The following WDR7 variants were observed in gnomAD, a reference collection of about 807,000 sequenced individuals.
WDR7 encodes the protein WD repeat domain 7.
In WDR7, 46 loss-of-function variants were observed where a neutral mutation model predicts 169.4. The ratio of observed to expected loss-of-function variants is 0.27; its 90% CI spans 0.21 to 0.35. The LOEUF is 0.35. Among genes scored for constraint, WDR7 ranks in the 10% least tolerant of loss-of-function variants. The pLI, the probability that WDR7 is intolerant of heterozygous loss-of-function variation, is 1.00. For synonymous variants in WDR7, 612 were observed against 666.8 expected (o/e 0.92, Z 1.27); for missense variants, 1,534 against 1,859.3 (o/e 0.83, Z 3.22).
intron 19 of WDR7, among the ~76,000 whole-genome samples, chr18:56,811,934 G>A (rs1348279452): frequency 6.6e-6 from 1 of 152,034 alleles, no homozygotes; most frequent in African/African-American, 2.4e-5. Flanking sequence ...TTTCAGAATT[G>A]TTTTGTCCTA....
At chr18:56,686,614 A>G (rs973391681) in intron 6 of WDR7, among the ~76,000 whole-genome samples, 1 of 152,142 alleles carries the variant, frequency 6.6e-6, no homozygotes, top group African/African-American at 2.4e-5. Flanking sequence ...TACCAGAGTG[A>G]TGATACTCTG....
intron 12 of WDR7, among the ~76,000 whole-genome samples, chr18:56,709,580 A>AG: frequency 6.6e-6 from 1 of 152,218 alleles, no homozygotes; most frequent in East Asian, 1.9e-4. Context: ...AGAGACTCAG[A>AG]GAGGTTAAAT....
At chr18:56,721,790 C>A (rs1354010920) in intron 13 of WDR7, 1 of 152,216 alleles carries the variant, frequency 6.6e-6, no homozygotes, top group East Asian at 1.9e-4. Flanking sequence ...CTAGCCATTA[C>A]CAAGCCTAAA....
intron 20 of WDR7, among the ~76,000 whole-genome samples, chr18:56,832,350 T>C (rs1005761492): frequency 2.6e-5 from 4 of 152,204 alleles, no homozygotes; most frequent in Non-Finnish European, 5.9e-5. Context: ...TCAGAGACTT[T>C]AGATAAAACT....
rs1412251334 is a variant in WDR7, at chr18:56,682,763, A to C, written c.430A>C (p.Thr144Pro). 1.2e-6 allele frequency: 2 copies of C among 1,613,880 alleles called. No individual in the cohort carries two copies. Among genetic ancestry groups the C allele is most frequent in the Admixed American group, 1.7e-5 (1 of 60,002 alleles). The stretch of plus-strand genomic sequence containing the variant: ...CCCTGAAATCCTTGTTGTGGATGCT[A>C]CCAGCCTTGAAGTATTATACTCCTT... Reference protein sequence around the residue: ...HYPEILVVDATSLEVLYSLVS... With the variant: ...HYPEILVVDAPSLEVLYSLVS... Residue 144 changes from threonine (T) to proline (P), a missense_variant, in exon 5 of 28, where the codon ACC (threonine) becomes CCC (proline). Physicochemically the swap from Thr to Pro is conservative, Grantham distance 38. Coordinates refer to ENST00000254442, the MANE Select transcript of WDR7 (RefSeq NM_015285.3).
intron 26 of WDR7, among the ~76,000 whole-genome samples, chr18:56,992,121 C>CT (rs2047827315): frequency 6.6e-6 from 1 of 152,108 alleles, no homozygotes; most frequent in African/African-American, 2.4e-5. Flanking sequence ...TTCCTTTTTC[C>CT]TTACCTATCT....
intron 25 of WDR7, among the ~76,000 whole-genome samples, chr18:56,950,398 C>A (rs1289998524): frequency 6.6e-6 from 1 of 152,156 alleles, no homozygotes; most frequent in Non-Finnish European, 1.5e-5. Flanking sequence ...CAGTTTTACC[C>A]ACCATTGCTT....
At chr18:56,813,793 A>G (rs899933143) in intron 19 of WDR7, among the ~76,000 whole-genome samples, 1 of 152,118 alleles carries the variant, frequency 6.6e-6, no homozygotes, top group Admixed American at 6.6e-5. Flanking sequence ...TTTGGAAAGC[A>G]TCAATCAAAG....
chr18:56,961,308 A>G (rs1599196217), intron 25 of WDR7, among the ~76,000 whole-genome samples: 2 of 152,068 alleles, frequency 1.3e-5, no homozygotes, highest in Middle Eastern at 6.8e-3. Flanking sequence ...GCATTAGAGA[A>G]ATGAGATTTT....
intron 26 of WDR7, among the ~76,000 whole-genome samples, chr18:56,978,393 T>C: frequency 6.6e-6 from 1 of 151,436 alleles, no homozygotes; most frequent in African/African-American, 2.5e-5. Flanking sequence ...GAAACATTTA[T>C]TGAGTGCTAC....
intron 11 of WDR7, among the ~76,000 whole-genome samples, 156 bp downstream of exon 11, chr18:56,695,354 A>G (rs912231279): frequency 6.6e-6 from 1 of 152,190 alleles, no homozygotes; most frequent in Non-Finnish European, 1.5e-5. Context: ...CACAGATAAA[A>G]TATTCAGTGC....
intron 21 of WDR7, among the ~76,000 whole-genome samples, chr18:56,884,580 G>C (rs545931045): frequency 7.9e-5 from 12 of 152,120 alleles, no homozygotes; most frequent in Non-Finnish European, 1.8e-4. Context: ...CTTTCCCTAA[G>C]CCAATGTCTA....
chr18:57,009,721 C>A, intron 26 of WDR7: 1 of 446,468 alleles, frequency 2.2e-6, no homozygotes, highest in Non-Finnish European at 3.0e-6. Flanking sequence ...TAATGTAACA[C>A]TTTCAAGCAT....
chr18:56,984,676 C>A (rs1177331237), intron 26 of WDR7, among the ~76,000 whole-genome samples: 1 of 152,158 alleles, frequency 6.6e-6, no homozygotes, highest in Non-Finnish European at 1.5e-5. Flanking sequence ...CCTATTTATG[C>A]AGCACTTTTT....
intron 17 of WDR7, 37 bp from the exon 18 acceptor site, chr18:56,779,394 T>A: frequency 6.5e-7 from 1 of 1,529,374 alleles, no homozygotes; most frequent in Non-Finnish European, 8.9e-7. Context: ...AATGCCAAAA[T>A]GGTTAAAGAA....
chr18:56,752,516 A>T (rs988819159), intron 14 of WDR7, among the ~76,000 whole-genome samples: 1 of 152,184 alleles, frequency 6.6e-6, no homozygotes, highest in Admixed American at 6.5e-5. Flanking sequence ...GAGTTCCATG[A>T]CTAGAAAAAC....
intron 21 of WDR7, among the ~76,000 whole-genome samples, chr18:56,890,482 G>A (rs763131515): frequency 2.0e-5 from 3 of 152,106 alleles, no homozygotes; most frequent in Non-Finnish European, 1.5e-5. Context: ...GCAAGCTTAC[G>A]ACAATGCCAC....
chr18:56,992,521 G>C (rs150445805), intron 26 of WDR7, among the ~76,000 whole-genome samples: 1 of 152,304 alleles, frequency 6.6e-6, no homozygotes, highest in African/African-American at 2.4e-5. Flanking sequence ...TTGGCCAAAA[G>C]TAGAAATTAA....
At chr18:56,872,570 A>G (rs1393779115) in intron 20 of WDR7, 2 of 152,348 alleles carry the variant, frequency 1.3e-5, no homozygotes, top group Admixed American at 6.5e-5. Flanking sequence ...ATATTTTGTT[A>G]TAAGTAACCC....
Sources: allele counts gnomAD v4.1 joint callset (sites outside exome capture counted in the v4.1 genomes callset), GRCh38; gene constraint gnomAD v4.1.1; transcripts MANE v1.5; gene names NCBI Gene and HGNC (gene_info 2026-07-23, HGNC 2026-07-21).